SPRED1: variants seen among roughly 807,000 people sequenced by gnomAD.
SPRED1 encodes the protein sprouty related EVH1 domain containing 1.
A neutral mutation model predicts 52.3 loss-of-function variants in SPRED1; 18 were observed. That is an observed-to-expected ratio of 0.34 (90% CI 0.24 to 0.51). SPRED1 has a LOEUF of 0.51. Ranked by LOEUF, SPRED1 falls within the 20% of genes least tolerant of loss-of-function variation. The pLI, the probability that SPRED1 is intolerant of heterozygous loss-of-function variation, is 0.97. For missense variants in SPRED1, 485 were observed against 551.0 expected, an observed-to-expected ratio of 0.88 and a Z score of 1.20; for synonymous variants, 155 against 179.7, an observed-to-expected ratio of 0.86 and a Z score of 1.10.
intron 5 of SPRED1, among the ~76,000 whole-genome samples, chr15:38,345,521 G>C (rs1896116108): frequency 6.6e-6 from 1 of 152,198 alleles, no homozygotes; most frequent in Non-Finnish European, 1.5e-5. Context: ...TAACGTACTA[G>C]TTTTGTGAAT....
intron 4 of SPRED1, among the ~76,000 whole-genome samples, chr15:38,331,018 G>A (rs954438056): frequency 6.6e-6 from 1 of 152,082 alleles, no homozygotes; most frequent in African/African-American, 2.4e-5. Context: ...AAGAGCTACA[G>A]CTGGAATTAT....
intron 1 of SPRED1, among the ~76,000 whole-genome samples, chr15:38,287,207 A>G (rs1161849335): frequency 6.6e-6 from 1 of 152,198 alleles, no homozygotes; most frequent in Non-Finnish European, 1.5e-5. Flanking sequence ...CACATTGGCT[A>G]GCACAGTTTT....
intron 3 of SPRED1, among the ~76,000 whole-genome samples, chr15:38,323,628 T>TA (rs10714123): frequency 1.1e-4 from 16 of 150,910 alleles, no homozygotes; most frequent in East Asian, 3.9e-4. Flanking sequence ...ATAAGAAACT[T>TA]AAAAAAAAAA....
At chr15:38,260,091 G>A (rs1467506825) in intron 1 of SPRED1, among the ~76,000 whole-genome samples, 1 of 152,216 alleles carries the variant, frequency 6.6e-6, no homozygotes. Context: ...GACAGCAAAT[G>A]TGTTAGTTTT....
At chr15:38,292,554 A>G (rs1470124561) in intron 1 of SPRED1, among the ~76,000 whole-genome samples, 2 of 152,194 alleles carry the variant, frequency 1.3e-5, no homozygotes, top group African/African-American at 4.8e-5. Flanking sequence ...AGGCATTTAT[A>G]TGATGGCAAC....
rs368348768 is a variant in SPRED1, at chr15:38,336,440, TTATATA to T, written c.424-3293_424-3288del. On this transcript the variant is annotated intron_variant, in intron 4 of 6. Coordinates refer to ENST00000299084, the MANE Select transcript of SPRED1 (RefSeq NM_152594.3). ...TGTGTGTGTATATATATATATAATA[TTATATA>T]TATGTTATATATATAATATTTTATA... is the stretch of plus-strand genomic sequence containing the variant. 2.1e-5 allele frequency among the ~76,000 whole-genome samples: 3 copies of T among 141,050 alleles called. 1 individual carries two copies. Among genetic ancestry groups the T allele is most frequent in the Non-Finnish European group, 3.0e-5 (2 of 66,020 alleles). The allele number at this position is 141,050 out of a possible 152,430, so 92.5% of individuals were successfully genotyped here. A position where few individuals can be genotyped will look rare whatever the true frequency, so the allele number is the denominator to read the frequency against.
chr15:38,298,255 G>T (rs934344721), intron 1 of SPRED1, among the ~76,000 whole-genome samples: 1 of 152,114 alleles, frequency 6.6e-6, no homozygotes, highest in Non-Finnish European at 1.5e-5. Flanking sequence ...ATACATTATT[G>T]ATGGGAATGT....
intron 1 of SPRED1, among the ~76,000 whole-genome samples, chr15:38,273,981 C>A (rs1409807335): frequency 6.6e-6 from 1 of 152,114 alleles, no homozygotes; most frequent in Non-Finnish European, 1.5e-5. Flanking sequence ...ATTTTGACAA[C>A]CTAGATAATC....
intron 1 of SPRED1, among the ~76,000 whole-genome samples, chr15:38,291,407 A>G (rs922071078): frequency 2.0e-5 from 3 of 152,180 alleles, no homozygotes; most frequent in African/African-American, 7.2e-5. Flanking sequence ...GGGTCTGGTA[A>G]ATGGTGGCCC....
intron 2 of SPRED1, among the ~76,000 whole-genome samples, chr15:38,317,589 A>C (rs373280118): frequency 6.6e-6 from 1 of 151,992 alleles, no homozygotes; most frequent in Non-Finnish European, 1.5e-5. Context: ...TTATCTTAAG[A>C]TACAGAATTA....
intron 2 of SPRED1, among the ~76,000 whole-genome samples, chr15:38,312,638 C>T (rs1227580033): frequency 1.3e-5 from 2 of 152,026 alleles, no homozygotes; most frequent in African/African-American, 4.8e-5. Flanking sequence ...CATCCCATGT[C>T]GTCGTTGCTT....
At chr15:38,263,821 G>A (rs752407197) in intron 1 of SPRED1, among the ~76,000 whole-genome samples, 1 of 152,014 alleles carries the variant, frequency 6.6e-6, no homozygotes, top group South Asian at 2.1e-4. Context: ...TAAAAAAAAC[G>A]AATCACAAAA....
chr15:38,349,577 G>A (rs371487006), intron 6 of SPRED1, 54 bp downstream of exon 6: 6 of 157,330 alleles, frequency 3.8e-5, no homozygotes, highest in Non-Finnish European at 6.2e-5. Context: ...TAATAGATAG[G>A]TAAAGTTTTC....
At chr15:38,318,411 C>T (rs1265597462) in intron 2 of SPRED1, among the ~76,000 whole-genome samples, 1 of 151,976 alleles carries the variant, frequency 6.6e-6, no homozygotes, top group South Asian at 2.1e-4. Flanking sequence ...CTCTTCATTT[C>T]CTCAGTGCAT....
intron 2 of SPRED1, among the ~76,000 whole-genome samples, 196 bp downstream of exon 2, chr15:38,299,743 G>A (rs891924099): frequency 7.9e-5 from 12 of 151,834 alleles, no homozygotes; most frequent in African/African-American, 2.9e-4. Flanking sequence ...ATTTGTTGGG[G>A]GATGGGGTTG....
chr15:38,253,812 G>A (rs566645747), intron 1 of SPRED1, among the ~76,000 whole-genome samples: 8 of 152,290 alleles, frequency 5.3e-5, no homozygotes, highest in African/African-American at 1.9e-4. Context: ...GAGTGTGGGC[G>A]ATGTTGAGCT....
chr15:38,261,551 ATTTG>A (rs1423788804), intron 1 of SPRED1, among the ~76,000 whole-genome samples: 4 of 152,100 alleles, frequency 2.6e-5, no homozygotes, highest in Non-Finnish European at 2.9e-5. Context: ...AGGAGTTATA[ATTTG>A]TTTTTGTTTT....
At chr15:38,293,216 C>T (rs1487795755) in intron 1 of SPRED1, among the ~76,000 whole-genome samples, 1 of 145,940 alleles carries the variant, frequency 6.9e-6, no homozygotes, top group East Asian at 2.1e-4. Context: ...TTTCCTGCCT[C>T]AGCCTCCTGA....
chr15:38,263,940 A>G lies in SPRED1; in HGVS notation c.32+10723A>G, dbSNP rs138505530. 2.2e-3 allele frequency among the ~76,000 whole-genome samples: 336 copies of G among 152,354 alleles called. 1 individual carries two copies. Among genetic ancestry groups the G allele is most frequent in the Admixed American group, 5.4e-3 (83 of 15,302 alleles). Reference sequence around the variant, plus strand: ...CGCGGGTTGGATGAGCTTGCTGTAGATTAAAGAGAAAATAAGAAGTGCTGA... The same window carrying G: ...CGCGGGTTGGATGAGCTTGCTGTAGGTTAAAGAGAAAATAAGAAGTGCTGA... On this transcript the variant is annotated intron_variant, in intron 1 of 6. Transcript: ENST00000299084.
Sources: allele counts gnomAD v4.1 joint callset (sites outside exome capture counted in the v4.1 genomes callset), GRCh38; gene constraint gnomAD v4.1.1; transcripts MANE v1.5; gene names NCBI Gene and HGNC (gene_info 2026-07-23, HGNC 2026-07-21).